The following TM6SF2 variants were observed in gnomAD, a reference collection of about 807,000 sequenced individuals.
TM6SF2 encodes transmembrane 6 superfamily member 2.
In TM6SF2, 29 loss-of-function variants were observed where a neutral mutation model predicts 41.0. The ratio of observed to expected loss-of-function variants is 0.71; its 90% CI spans 0.53 to 0.96. The LOEUF is 0.96. Ranked by LOEUF, TM6SF2 falls within the 50% of genes least tolerant of loss-of-function variation. The pLI, the probability that TM6SF2 is intolerant of heterozygous loss-of-function variation, is 0.00. For synonymous variants in TM6SF2, 200 were observed against 209.1 expected (o/e 0.96, Z 0.37); for missense variants, 475 against 499.0 (o/e 0.95, Z 0.46).
At position 19,264,405 on chromosome 19, in the gene TM6SF2, G is replaced by C. The variant is rs1450073278; in HGVS notation, c.*259C>G. 2.9e-6 allele frequency: 1 copy of C among 347,860 alleles called. No individual in the cohort carries two copies. The highest frequency in any genetic ancestry group is 5.2e-6 in the Non-Finnish European group (1 of 193,380). 21.5% of individuals were successfully genotyped at this position (347,860 alleles called of 1,614,324 possible). ...AGGGTTTTTACTGAAAGGATCCATG[G>C]GGGGATGATGGGTAAGTTCTGGAAG... On this transcript the variant is annotated 3_prime_UTR_variant, in exon 10 of 10. Coordinates refer to ENST00000389363, the MANE Select transcript of TM6SF2 (RefSeq NM_001001524.3).
chr19:19,268,998 G>A (rs1416035969), intron 5 of TM6SF2, among the ~76,000 whole-genome samples: 1 of 152,166 alleles, frequency 6.6e-6, no homozygotes, highest in Non-Finnish European at 1.5e-5. Flanking sequence ...TCACCATGCT[G>A]CCCAGGCTGA....
chr19:19,268,075 G>T lies in TM6SF2; in HGVS notation c.622C>A (p.Gln208Lys). ...GGACGCTGCAGGAGTCCCTTTCTTT[G>T]TTCCTCTTGCACCTGGCCCAGGGGA... Reference protein sequence around the residue: ...RCTANMVQEEQRKGLLQRPAD... With the variant: ...RCTANMVQEEKRKGLLQRPAD... The change falls in exon 7 of 10, where the codon CAA becomes AAA. Residue 208 changes from glutamine to lysine, a missense_variant. Physicochemically the swap from Gln to Lys is moderately conservative, Grantham distance 53. Transcript: ENST00000389363. 6.2e-7 allele frequency: 1 copy of T among 1,613,784 alleles called. No homozygotes were observed. Among genetic ancestry groups the T allele is most frequent in the Non-Finnish European group, 8.5e-7 (1 of 1,179,820 alleles).
At chr19:19,267,367 TAAAA>T (rs764335067) in intron 8 of TM6SF2, among the ~76,000 whole-genome samples, 26,799 of 116,816 alleles carry the variant, frequency 0.23, 2,787 homozygotes, top group South Asian at 0.38. Flanking sequence ...AAACTCTGTT[TAAAA>T]AAAAAAAAAA....
intron 1 of TM6SF2, 63 bp downstream of exon 1, chr19:19,273,058 T>TCCAGCCCCCCCCCCCCCCCCC: frequency 2.1e-6 from 1 of 470,242 alleles, no homozygotes; most frequent in Non-Finnish European, 3.8e-6. Context: ...CCACCTCCAG[T>TCCAGCCCCCCCCCCCCCCCCC]CCTCCCCGCC....
At chr19:19,268,607 C>T (rs376713609) in intron 6 of TM6SF2, 23 bp downstream of exon 6, 14 of 1,559,512 alleles carry the variant, frequency 9.0e-6, no homozygotes, top group Non-Finnish European at 1.2e-5. Context: ...TGGGACAAGG[C>T]CTAAGAGGGG....
chr19:19,272,525 G>C (rs888658449), intron 1 of TM6SF2, among the ~76,000 whole-genome samples: 1 of 152,116 alleles, frequency 6.6e-6, no homozygotes, highest in Non-Finnish European at 1.5e-5. Context: ...AAGTACGAGG[G>C]GCTTGCAGAT....
In TM6SF2 at chr19:19,270,406, A is replaced by G; in HGVS notation, c.236T>C (p.Leu79Pro). 1 of 1,613,298 alleles carries G rather than the reference A, an allele frequency of 6.2e-7. No individual in the cohort carries two copies. Among genetic ancestry groups the G allele is most frequent in the Non-Finnish European group, 8.5e-7 (1 of 1,179,462 alleles). Residue 79 changes from leucine to proline, a missense_variant, in exon 3 of 10, where the codon CTC becomes CCC. Leu to Pro is a moderately conservative substitution (Grantham distance 98). This residue lies in a region of TM6SF2 where 238 missense variants were observed against 228.6 expected (regional missense o/e 1.04). Transcript: ENST00000389363. ...AVFAFTSVVDLIIALQEDSYV... is the reference protein window; with the variant it reads ...AVFAFTSVVDPIIALQEDSYV... The stretch of plus-strand genomic sequence containing the variant: ...GCTGTCTTCCTGAAGAGCGATGATG[A>G]GGTCCACAACCGAGGTGAAGGCGAA...
intron 1 of TM6SF2, among the ~76,000 whole-genome samples, chr19:19,272,464 C>A (rs911570700): frequency 1.3e-5 from 2 of 152,160 alleles, no homozygotes; most frequent in South Asian, 4.1e-4. Flanking sequence ...GGGAGCCAGG[C>A]TCATGGTTAA....
chr19:19,267,598 T>C (rs1477876085), intron 8 of TM6SF2, 23 bp downstream of exon 8: 1 of 1,589,438 alleles, frequency 6.3e-7, no homozygotes, highest in Non-Finnish European at 8.6e-7. Flanking sequence ...AGGGGTGTGG[T>C]CTTCTCCCCG....
At chr19:19,265,127 C>T (rs1486344224) in intron 9 of TM6SF2, among the ~76,000 whole-genome samples, 1 of 150,958 alleles carries the variant, frequency 6.6e-6, no homozygotes, top group Admixed American at 6.6e-5. Context: ...CTGCAACCTC[C>T]GCTGCCTCCT....
intron 5 of TM6SF2, among the ~76,000 whole-genome samples, chr19:19,269,005 C>T (rs1344737159): frequency 6.6e-6 from 1 of 152,146 alleles, no homozygotes; most frequent in Non-Finnish European, 1.5e-5. Flanking sequence ...GCTGCCCAGG[C>T]TGATCTTGAT....
Position 19,271,053 on chromosome 19 carries a change from A to G in TM6SF2, c.168T>C (p.His56=), listed in dbSNP as rs1179112166. 1.2e-6 allele frequency: 2 copies of G among 1,614,126 alleles called. No individual in the cohort carries two copies. The highest frequency in any genetic ancestry group is 2.2e-5 in the South Asian group (2 of 91,078). The change falls in exon 2 of 10, where the codon CAT becomes CAC. Residue 56 remains histidine, a synonymous_variant. Transcript: ENST00000389363. ...AGAGTGGGTCATAGGAGACCTCGCC[A>G]TGGGACAAGCTGTAGACCGCCACGA... ...LLFVAVYSLS[H]GEVSYDPLYA... is the part of the protein sequence containing the mutation.
Position 19,268,003 on chromosome 19 carries a change from T to C in TM6SF2, c.694A>G (p.Thr232Ala). The C allele has an allele frequency of 6.2e-7, 1 of 1,613,464 alleles. No individual in the cohort carries two copies. The highest frequency in any genetic ancestry group is 1.1e-5 in the South Asian group (1 of 91,044). The stretch of plus-strand genomic sequence containing the variant: ...AGACTCACCAGGCCCCGGAACAGAG[T>C]GAAGAAGCCAGCAAGGATGAGATAT... ...VIYLILAGFFTLFRGLVVLDC... is the reference protein window; with the variant it reads ...VIYLILAGFFALFRGLVVLDC... Residue 232 changes from threonine to alanine, a missense_variant, in exon 7 of 10, where the codon ACT becomes GCT. Physicochemically the swap from Thr to Ala is moderately conservative, Grantham distance 58. This residue lies in a region of TM6SF2 where 190 missense variants were observed against 190.2 expected (regional missense o/e 1.00). Transcript: ENST00000389363.
chr19:19,264,781 G>A lies in TM6SF2; in HGVS notation c.1017C>T (p.Cys339=), dbSNP rs1304152693. 4 of 1,610,546 alleles carry A rather than the reference G, an allele frequency of 2.5e-6. No individual in the cohort carries two copies. Among genetic ancestry groups the A allele is most frequent in the South Asian group, 1.1e-5 (1 of 90,274 alleles). ...PEDTWGCFFV[C]NLLYALGPHL... ...GGGGGCCCAGCGCATACAGCAGATT[G>A]CACACGAAGAAGCAGCCCCAGGTGT... The change falls in exon 10 of 10, where the codon TGC becomes TGT. Residue 339 remains cysteine (C), a synonymous_variant. Coordinates refer to ENST00000389363, the MANE Select transcript of TM6SF2 (RefSeq NM_001001524.3).
At position 19,269,997 on chromosome 19, in the gene TM6SF2, C is replaced by T. The variant is rs138370840; in HGVS notation, c.401+176G>A. On this transcript the variant is annotated intron_variant, in intron 4 of 9. Transcript: ENST00000389363. The stretch of plus-strand genomic sequence containing the variant: ...GTGGATGTAAGCAATGCTAGGCCAC[C>T]ACCTACACCTGAGACGTTCCCTGGA... 1.1e-4 allele frequency: 164 copies of T among 1,490,292 alleles called. No homozygotes were observed. In the African/African-American group the frequency reaches 2.0e-3, roughly 18 times the overall value. The allele number at this position is 1,490,292 out of a possible 1,614,324, so 92.3% of individuals were successfully genotyped here. A position where few individuals can be genotyped will look rare whatever the true frequency, so the allele number is the denominator to read the frequency against.
chr19:19,271,340 C>G (rs1362351155), intron 1 of TM6SF2, among the ~76,000 whole-genome samples: 1 of 152,184 alleles, frequency 6.6e-6, no homozygotes, highest in African/African-American at 2.4e-5. Flanking sequence ...TTCCAGAAGT[C>G]TTTTCCACTT....
At chr19:19,265,717 C>T (rs2061001205) in intron 9 of TM6SF2, among the ~76,000 whole-genome samples, 1 of 152,154 alleles carries the variant, frequency 6.6e-6, no homozygotes, top group Non-Finnish European at 1.5e-5. Flanking sequence ...CCTCACCTGG[C>T]CTTCTGTCTG....
At chr19:19,267,372 A>T (rs1309350320) in intron 8 of TM6SF2, among the ~76,000 whole-genome samples, 1 of 141,546 alleles carries the variant, frequency 7.1e-6, no homozygotes, top group Non-Finnish European at 1.5e-5. Context: ...CTGTTTAAAA[A>T]AAAAAAAAAA....
At position 19,269,864 on chromosome 19, in the gene TM6SF2, C is replaced by T. The variant is rs115439672; in HGVS notation, c.402-95G>A. The T allele has an allele frequency of 1.9e-3, 3,088 of 1,594,376 alleles. 51 individuals are homozygous for T. In the African/African-American group the frequency reaches 0.033, roughly 17 times the overall value. ...GAGACCACCGTGGGTTTCCCAGCTC[C>T]GGGTCCCTTTCAGTTTTGCCCAGGA... On this transcript the variant is annotated intron_variant, in intron 4 of 9. Transcript: ENST00000389363.
Sources: allele counts gnomAD v4.1 joint callset (sites outside exome capture counted in the v4.1 genomes callset), GRCh38; gene constraint gnomAD v4.1.1; regional missense constraint gnomAD v4.1.1; transcripts MANE v1.5; gene names NCBI Gene and HGNC (gene_info 2026-07-23, HGNC 2026-07-21).